SMAD1: variants seen among roughly 807,000 people sequenced by gnomAD.
SMAD1 encodes the protein SMAD family member 1.
SMAD1 carries 6 observed loss-of-function variants against 41.6 expected under a neutral mutation model. The ratio of observed to expected loss-of-function variants is 0.14; its 90% CI spans 0.08 to 0.28. The LOEUF (loss-of-function observed/expected upper bound fraction) is 0.28, where lower values mean the gene tolerates loss of function less well. Ranked by LOEUF, SMAD1 falls within the 10% of genes least tolerant of loss-of-function variation. The pLI, the probability that SMAD1 is intolerant of heterozygous loss-of-function variation, is 1.00. For synonymous variants in SMAD1, 206 were observed against 203.2 expected (o/e 1.01, Z -0.12); for missense variants, 379 against 582.6 (o/e 0.65, Z 3.60).
At chr4:145,494,182 G>A (rs1191913054) in intron 1 of SMAD1, among the ~76,000 whole-genome samples, 2 of 152,064 alleles carry the variant, frequency 1.3e-5, no homozygotes, top group African/African-American at 2.4e-5. Flanking sequence ...GGCTGGTCTC[G>A]AACTCCTGAC....
intron 1 of SMAD1, among the ~76,000 whole-genome samples, chr4:145,495,126 G>A (rs1728993854): frequency 6.6e-6 from 1 of 152,138 alleles, no homozygotes; most frequent in African/African-American, 2.4e-5. Flanking sequence ...GAATTGGAGG[G>A]AGACGCTGGA....
At chr4:145,535,287 C>A (rs1451025896) in intron 2 of SMAD1, among the ~76,000 whole-genome samples, 1 of 152,150 alleles carries the variant, frequency 6.6e-6, no homozygotes, top group African/African-American at 2.4e-5. Flanking sequence ...TTGACAATAA[C>A]AAAGTTATAT....
chr4:145,514,895 G>T lies in SMAD1; in HGVS notation c.282G>T (p.Trp94Cys). 1 of 1,614,002 alleles carries T rather than the reference G, an allele frequency of 6.2e-7. No individual in the cohort carries two copies. The highest frequency in any genetic ancestry group is 8.5e-7 in the Non-Finnish European group (1 of 1,180,004). ...PHVIYCRVWRWPDLQSHHELK... is the reference protein window; with the variant it reads ...PHVIYCRVWRCPDLQSHHELK... ...TCATTTACTGCCGTGTGTGGCGCTG[G>T]CCCGATCTTCAGAGCCACCATGAAC... The change falls in exon 2 of 7, where the codon TGG (tryptophan) becomes TGT (cysteine). Residue 94 changes from tryptophan (W) to cysteine (C), a missense_variant. Physicochemically the swap from Trp to Cys is radical, Grantham distance 215. Coordinates refer to ENST00000302085, the MANE Select transcript of SMAD1 (RefSeq NM_005900.3). The surrounding 1 kb of genome is among the most constrained non-coding windows in gnomAD (Gnocchi z 4.7).
chr4:145,540,138 A>T, intron 3 of SMAD1, 77 bp downstream of exon 3: 1 of 1,550,482 alleles, frequency 6.4e-7, no homozygotes, highest in South Asian at 1.2e-5. Context: ...AGCTGGGTCA[A>T]CCTGCAGTGG....
At chr4:145,518,498 A>G (rs1249588928) in intron 2 of SMAD1, among the ~76,000 whole-genome samples, 1 of 112,256 alleles carries the variant, frequency 8.9e-6, no homozygotes. Flanking sequence ...TCAAAAAAAA[A>G]AAATAAAAAT....
chr4:145,531,955 T>C (rs1272804173), intron 2 of SMAD1, among the ~76,000 whole-genome samples: 1 of 152,204 alleles, frequency 6.6e-6, no homozygotes, highest in Non-Finnish European at 1.5e-5. Flanking sequence ...TTTGTCAGAC[T>C]TTGTCTCATT....
chr4:145,512,205 T>C (rs1216736250), intron 1 of SMAD1, among the ~76,000 whole-genome samples: 2 of 152,230 alleles, frequency 1.3e-5, no homozygotes, highest in African/African-American at 2.4e-5. Flanking sequence ...TTTACTGTTA[T>C]ATGACACATT....
At chr4:145,531,525 T>C (rs1731316678) in intron 2 of SMAD1, among the ~76,000 whole-genome samples, 1 of 152,176 alleles carries the variant, frequency 6.6e-6, no homozygotes, top group African/African-American at 2.4e-5. Flanking sequence ...AGATGCCATC[T>C]GGGGCTGAGC....
At chr4:145,486,004 C>A (rs1464646594) in intron 1 of SMAD1, among the ~76,000 whole-genome samples, 2 of 152,216 alleles carry the variant, frequency 1.3e-5, no homozygotes, top group Non-Finnish European at 2.9e-5. Flanking sequence ...CAGTCCAACT[C>A]TAGAAACTCC....
chr4:145,511,219 A>T (rs539379184), intron 1 of SMAD1, among the ~76,000 whole-genome samples: 4 of 152,094 alleles, frequency 2.6e-5, no homozygotes, highest in African/African-American at 7.2e-5. Flanking sequence ...AAATCTTACT[A>T]TTTTCTGTTT....
At chr4:145,492,797 A>G (rs1198251034) in intron 1 of SMAD1, among the ~76,000 whole-genome samples, 1 of 152,232 alleles carries the variant, frequency 6.6e-6, no homozygotes, top group African/African-American at 2.4e-5. Flanking sequence ...GGAGTCTCCA[A>G]GGATTTTAGG....
At position 145,521,998 on chromosome 4, in the gene SMAD1, TG is replaced by T. The variant is rs1003869013; in HGVS notation, c.400+6986del. Among the ~76,000 whole-genome samples the T allele has an allele frequency of 2.5e-4, 38 of 151,308 alleles. 2 individuals are homozygous for T. Among genetic ancestry groups the T allele is most frequent in the Middle Eastern group, 3.5e-3 (1 of 284 alleles). On this transcript the variant is annotated intron_variant, in intron 2 of 6. Coordinates refer to ENST00000302085, the MANE Select transcript of SMAD1 (RefSeq NM_005900.3). The stretch of plus-strand genomic sequence containing the variant: ...AGAATATTAAAAAGACGAGAGGAAA[TG>T]TAATAAAATTAATATTTTATAAAAC...
upstream of SMAD1, chr4:145,481,049 T>G (rs1025340398): frequency 1.3e-5 from 2 of 152,054 alleles, no homozygotes; most frequent in Non-Finnish European, 2.9e-5. Flanking sequence ...AAGAGAAAAG[T>G]TGACTCTTGC....
intron 1 of SMAD1, chr4:145,497,742 C>T (rs1363818295): frequency 6.6e-6 from 1 of 152,194 alleles, no homozygotes; most frequent in African/African-American, 2.4e-5. Flanking sequence ...TTCATGGGCA[C>T]AGGGCTCACC....
At chr4:145,493,460 C>G (rs1728887690) in intron 1 of SMAD1, among the ~76,000 whole-genome samples, 1 of 152,036 alleles carries the variant, frequency 6.6e-6, no homozygotes, top group Non-Finnish European at 1.5e-5. Flanking sequence ...GTGCTCAGGG[C>G]TTCTATTTAG....
At position 145,546,758 on chromosome 4, in the gene SMAD1, T is replaced by C. The variant is rs1250249916; in HGVS notation, c.831T>C (p.Tyr277=). The change falls in exon 5 of 7, where the codon TAT becomes TAC. Residue 277 remains tyrosine, a synonymous_variant. Coordinates refer to ENST00000302085, the MANE Select transcript of SMAD1 (RefSeq NM_005900.3). Reference sequence around the variant, plus strand: ...AACACTGGTGCTCTATTGTCTACTATGAGCTCAACAATCGTGTGGGTGAAG... The same window carrying C: ...AACACTGGTGCTCTATTGTCTACTACGAGCTCAACAATCGTGTGGGTGAAG... The part of the protein sequence containing the change: ...EPKHWCSIVY[Y]ELNNRVGEAF... 1.3e-5 allele frequency: 21 copies of C among 1,612,902 alleles called. No homozygotes were observed. The highest frequency in any genetic ancestry group is 1.8e-5 in the Non-Finnish European group (21 of 1,178,996).
chr4:145,554,118 T>G, intron 6 of SMAD1, 78 bp downstream of exon 6: 2 of 1,221,878 alleles, frequency 1.6e-6, no homozygotes, highest in Non-Finnish European at 2.3e-6. Flanking sequence ...TGGCGATATA[T>G]GAATCTATAT....
rs1728192169 is a variant in SMAD1 at position 145,481,870 on chromosome 4, A to T, written c.-345A>T. 1 of 155,436 alleles carries T rather than the reference A, an allele frequency of 6.4e-6. No homozygotes were observed. The allele number at this position is 155,436 out of a possible 1,614,324, so 9.6% of individuals were successfully genotyped here. A position where few individuals can be genotyped will look rare whatever the true frequency, so the allele number is the denominator to read the frequency against. ...GCGCGACCAGATCAATCCAGGCTCCAGGAGAAAGCAGGCGGGCGGGCGGAG... is the reference window on the plus strand; with the variant it reads ...GCGCGACCAGATCAATCCAGGCTCCTGGAGAAAGCAGGCGGGCGGGCGGAG... On this transcript the variant is annotated 5_prime_UTR_variant, in exon 1 of 7. Coordinates refer to ENST00000302085, the MANE Select transcript of SMAD1 (RefSeq NM_005900.3).
rs143294193 is a variant in SMAD1 at position 145,516,643 on chromosome 4, T to C, written c.400+1630T>C. ...TTGGATATAGACGTTCTTTACTGCT[T>C]GTTATATCAGCTGTGATGCAGTGTT... On this transcript the variant is annotated intron_variant, in intron 2 of 6. Transcript: ENST00000302085. Among the ~76,000 whole-genome samples, 427 of 152,308 alleles carry C rather than the reference T, an allele frequency of 2.8e-3. 8 individuals carry two copies. The highest frequency in any genetic ancestry group is 6.6e-3 in the East Asian group (34 of 5,190).
Sources: allele counts gnomAD v4.1 joint callset (sites outside exome capture counted in the v4.1 genomes callset), GRCh38; gene constraint gnomAD v4.1.1; non-coding constraint Gnocchi (gnomAD v3.1); transcripts MANE v1.5; gene names NCBI Gene and HGNC (gene_info 2026-07-23, HGNC 2026-07-21).